Variants in MAST4 observed in about 807,000 individuals in gnomAD.
MAST4 encodes microtubule associated serine/threonine kinase family member 4.
MAST4 carries 89 observed loss-of-function variants against 162.7 expected under a neutral mutation model. That is an observed-to-expected ratio of 0.55 (90% CI 0.46 to 0.65). The LOEUF (loss-of-function observed/expected upper bound fraction) is 0.65. Ranked by LOEUF, MAST4 falls within the 30% of genes least tolerant of loss-of-function variation. The pLI is 0.00. For missense variants in MAST4, 3,153 were observed against 3,374.0 expected, an observed-to-expected ratio of 0.93 and a Z score of 1.62; for synonymous variants, 1,479 against 1,361.1, an observed-to-expected ratio of 1.09 and a Z score of -1.91.
chr5:67,001,742 G>A (rs1278461543), intron 4 of MAST4: 1 of 152,178 alleles, frequency 6.6e-6, no homozygotes, highest in Non-Finnish European at 1.5e-5. Context: ...GGAGTCCTCA[G>A]GTCTTCAAAC....
chr5:66,855,875 T>C (rs1250046313), intron 3 of MAST4, among the ~76,000 whole-genome samples: 2 of 152,136 alleles, frequency 1.3e-5, no homozygotes, highest in Non-Finnish European at 2.9e-5. Context: ...TGAGATGGGA[T>C]ACTTGGCCAG....
intron 3 of MAST4, among the ~76,000 whole-genome samples, chr5:66,884,156 C>T (rs981157948): frequency 1.3e-5 from 2 of 152,182 alleles, no homozygotes; most frequent in Non-Finnish European, 2.9e-5. Context: ...GAAGCACATC[C>T]TATGTTTTCC....
At chr5:66,919,653 C>T (rs1036253920) in intron 4 of MAST4, among the ~76,000 whole-genome samples, 3 of 129,282 alleles carry the variant, frequency 2.3e-5, no homozygotes, top group African/African-American at 9.0e-5. Context: ...AGCAAGACTC[C>T]GTCACAGAAA....
intron 4 of MAST4, among the ~76,000 whole-genome samples, chr5:66,934,280 A>G (rs976357658): frequency 7.0e-6 from 1 of 143,000 alleles, no homozygotes; most frequent in African/African-American, 2.5e-5. Flanking sequence ...GGCAATCTCA[A>G]TTCTCCTATA....
intron 1 of MAST4, among the ~76,000 whole-genome samples, chr5:66,707,116 A>G (rs1022587092): frequency 1.3e-5 from 2 of 152,312 alleles, no homozygotes; most frequent in African/African-American, 2.4e-5. Context: ...AAGAGAGCCT[A>G]TTATCTTAAT....
At chr5:66,752,735 A>G (rs1753263822) in intron 1 of MAST4, among the ~76,000 whole-genome samples, 1 of 148,050 alleles carries the variant, frequency 6.8e-6, no homozygotes, top group Admixed American at 6.7e-5. Flanking sequence ...AGACAGATCA[A>G]CAAGACAGAA....
chr5:67,127,882 A>G (rs1348209963), intron 14 of MAST4, among the ~76,000 whole-genome samples: 4 of 152,244 alleles, frequency 2.6e-5, no homozygotes, highest in Non-Finnish European at 5.9e-5. Context: ...AAACATTTCA[A>G]TTTAACCTAA....
At chr5:67,146,363 C>T (rs950175867) in intron 23 of MAST4, among the ~76,000 whole-genome samples, 9 of 152,150 alleles carry the variant, frequency 5.9e-5, no homozygotes, top group Non-Finnish European at 1.2e-4. Context: ...CAAAACAAGC[C>T]TCTTAAGTTC....
At chr5:67,093,351 CAAAGA>C in intron 6 of MAST4, among the ~76,000 whole-genome samples, 1 of 152,096 alleles carries the variant, frequency 6.6e-6, no homozygotes, top group East Asian at 1.9e-4. Context: ...GTAACTACTG[CAAAGA>C]AAAGACAACA....
At chr5:66,742,795 A>G (rs970094593) in intron 1 of MAST4, among the ~76,000 whole-genome samples, 1 of 152,214 alleles carries the variant, frequency 6.6e-6, no homozygotes, top group Non-Finnish European at 1.5e-5. Context: ...GTTTGGAGCC[A>G]GATCTTGTCG....
chr5:66,923,779 G>T (rs1376740358), intron 4 of MAST4, among the ~76,000 whole-genome samples: 1 of 152,112 alleles, frequency 6.6e-6, no homozygotes, highest in Non-Finnish European at 1.5e-5. Flanking sequence ...TCACAACACA[G>T]TCATATATTT....
intron 6 of MAST4, among the ~76,000 whole-genome samples, chr5:67,094,573 CT>C (rs1321979810): frequency 6.6e-6 from 1 of 151,922 alleles, no homozygotes; most frequent in African/African-American, 2.4e-5. Flanking sequence ...TTTTTTGCCC[CT>C]TGACAAATTT....
Position 67,162,695 on chromosome 5 carries a change from T to C in MAST4, c.3874T>C (p.Ser1292Pro). 6.2e-7 allele frequency: 1 copy of C among 1,613,924 alleles called. No homozygotes were observed. Among genetic ancestry groups the C allele is most frequent in the Non-Finnish European group, 8.5e-7 (1 of 1,179,880 alleles). ...TTTCTCCTGCTTGAACAGATCCCTG[T>C]CATCGGGTGAGAGCCTCCCAGGTTC... ...RSFSCLNRSL[S>P]SGESLPGSPT... The change falls in exon 28 of 29, where the codon TCA becomes CCA. Residue 1292 changes from serine (S) to proline (P), a missense_variant. Physicochemically the swap from Ser to Pro is moderately conservative, Grantham distance 74. Coordinates refer to ENST00000403625, the MANE Select transcript of MAST4 (RefSeq NM_001164664.2).
intron 1 of MAST4, among the ~76,000 whole-genome samples, chr5:66,717,843 C>T (rs1294816937): frequency 6.6e-6 from 1 of 152,142 alleles, no homozygotes; most frequent in Non-Finnish European, 1.5e-5. Flanking sequence ...TGGCTAGTCC[C>T]AGGTATTCAT....
intron 3 of MAST4, among the ~76,000 whole-genome samples, chr5:66,836,226 A>T (rs868773027): frequency 1.6e-4 from 24 of 152,298 alleles, no homozygotes; most frequent in Admixed American, 7.2e-4. Context: ...GAAAAGCTGA[A>T]AATAGTGTCA....
intron 26 of MAST4, among the ~76,000 whole-genome samples, chr5:67,154,994 G>GC (rs1259415155): frequency 1.3e-5 from 2 of 152,230 alleles, no homozygotes; most frequent in African/African-American, 4.8e-5. Context: ...TGTTTACACA[G>GC]TGTTTTATAC....
intron 4 of MAST4, among the ~76,000 whole-genome samples, chr5:67,048,973 ATATATATATATATG>A (rs1355584773): frequency 1.0e-4 from 12 of 116,818 alleles, no homozygotes; most frequent in East Asian, 2.1e-4. Context: ...CATATAGCAT[ATATATATATATATG>A]TATATATATA....
intron 3 of MAST4, among the ~76,000 whole-genome samples, chr5:66,790,958 A>G (rs779985637): frequency 3.9e-5 from 6 of 152,200 alleles, no homozygotes; most frequent in Non-Finnish European, 8.8e-5. Flanking sequence ...GTTTATCGCC[A>G]AGTCAATCAT....
chr5:66,992,508 C>CT (rs1488686763), intron 4 of MAST4, among the ~76,000 whole-genome samples: 1 of 152,334 alleles, frequency 6.6e-6, no homozygotes, highest in East Asian at 1.9e-4. Context: ...ATACCTTGCA[C>CT]TTTCATCTTA....
Sources: allele counts gnomAD v4.1 joint callset (sites outside exome capture counted in the v4.1 genomes callset), GRCh38; gene constraint gnomAD v4.1.1; transcripts MANE v1.5; gene names NCBI Gene and HGNC (gene_info 2026-07-23, HGNC 2026-07-21).